Variants in DNAI2 observed in about 807,000 individuals in gnomAD.
The protein encoded by DNAI2 is dynein, axonemal, intermediate polypeptide 2.
DNAI2 carries 63 observed loss-of-function variants against 74.7 expected under a neutral mutation model. The ratio of observed to expected loss-of-function variants is 0.84; its 90% CI spans 0.69 to 1.04. DNAI2 has a LOEUF of 1.04. DNAI2 is among the 50% of genes least tolerant of loss of function. The probability of loss-of-function intolerance (pLI) is 0.00; values close to 1 mark genes in which losing one functional copy is unlikely to be tolerated. For missense variants in DNAI2, 688 were observed against 803.2 expected (o/e 0.86, Z 1.73); for synonymous variants, 289 against 314.9 (o/e 0.92, Z 0.87).
chr17:74,307,188 C>T, intron 9 of DNAI2: 1 of 454,500 alleles, frequency 2.2e-6, no homozygotes, highest in Non-Finnish European at 4.4e-6. Context: ...CTTTAGGAGC[C>T]TTCCCAATGT....
chr17:74,294,277 A>G (rs1598300476), intron 6 of DNAI2, among the ~76,000 whole-genome samples: 1 of 143,940 alleles, frequency 6.9e-6, no homozygotes, highest in Non-Finnish European at 1.5e-5. Flanking sequence ...CTAGTGTACC[A>G]TTTTAATTCC....
chr17:74,287,212 C>T lies in DNAI2; in HGVS notation c.467+114C>T, dbSNP rs2051804030. The T allele has an allele frequency of 6.0e-6, 9 of 1,495,518 alleles. No homozygotes were observed. In the South Asian group the frequency reaches 1.1e-4, roughly 18 times the overall value. The allele number at this position is 1,495,518 out of a possible 1,614,324, so 92.6% of individuals were successfully genotyped here. A position where few individuals can be genotyped will look rare whatever the true frequency, so the allele number is the denominator to read the frequency against. Reference sequence around the variant, plus strand: ...TGCCCTGGGTGCAGCACTGTCTGTGCTCTGAGCTTGATAAGTGACGTGGTG... The same window carrying T: ...TGCCCTGGGTGCAGCACTGTCTGTGTTCTGAGCTTGATAAGTGACGTGGTG... On this transcript the variant is annotated intron_variant, in intron 4 of 13. Transcript: ENST00000311014.
At chr17:74,284,352 G>A (rs1162026916) in intron 2 of DNAI2, among the ~76,000 whole-genome samples, 1 of 152,198 alleles carries the variant, frequency 6.6e-6, no homozygotes, top group Non-Finnish European at 1.5e-5. Flanking sequence ...CACTGACATT[G>A]TCAGTGATAG....
intron 11 of DNAI2, among the ~76,000 whole-genome samples, chr17:74,310,799 G>A (rs777256906): frequency 5.1e-4 from 77 of 152,042 alleles, no homozygotes; most frequent in Non-Finnish European, 5.6e-4. Context: ...CCTGGCCTCC[G>A]AAAGTGCTGG....
rs780506581 is a variant in DNAI2 at position 74,301,099 on chromosome 17, G to A, written c.918G>A (p.Leu306=). 3 of 1,613,968 alleles carry A rather than the reference G, an allele frequency of 1.9e-6. No homozygotes were observed. Among genetic ancestry groups the A allele is most frequent in the Non-Finnish European group, 2.5e-6 (3 of 1,179,994 alleles). Residue 306 remains leucine, a synonymous_variant, in exon 8 of 14, where the codon TTG becomes TTA. Transcript: ENST00000311014. The stretch of plus-strand genomic sequence containing the variant: ...GCGAGCCCACTGAAGTTGTGATCTT[G>A]GACATCACCAAGAAGGAACAGTTGG... ...KMSEPTEVVI[L]DITKKEQLEN...
intron 8 of DNAI2, among the ~76,000 whole-genome samples, chr17:74,304,179 C>CTTTTTTTTTTTTTTTTTTT: frequency 9.8e-6 from 1 of 101,942 alleles, no homozygotes; most frequent in Non-Finnish European, 2.1e-5. Flanking sequence ...TTTTCTTTTT[C>CTTTTTTTTTTTTTTTTTTT]TTTTTTCTTT....
At position 74,312,210 on chromosome 17, in the gene DNAI2, A is replaced by G. The variant is rs368633797; in HGVS notation, c.1702A>G (p.Ile568Val). Reference protein sequence around the residue: ...AELKKKEADAIKLTPVPQQPS... With the variant: ...AELKKKEADAVKLTPVPQQPS... ...GCTGAAGAAGAAGGAGGCAGACGCC[A>G]TAAAGCTGACGCCAGTGCCTGTAGG... The change falls in exon 12 of 14, where the codon ATA becomes GTA. Residue 568 changes from isoleucine (I) to valine (V), a missense_variant. Coordinates refer to ENST00000311014, the MANE Select transcript of DNAI2 (RefSeq NM_023036.6). 29 of 1,605,590 alleles carry G rather than the reference A, an allele frequency of 1.8e-5. No homozygotes were observed. The highest frequency in any genetic ancestry group is 2.4e-5 in the Non-Finnish European group (28 of 1,176,548).
At chr17:74,290,271 ATGCCAC>A (rs1567851277) in intron 5 of DNAI2, among the ~76,000 whole-genome samples, 1 of 152,132 alleles carries the variant, frequency 6.6e-6, no homozygotes, top group East Asian at 1.9e-4. Flanking sequence ...AGCCGAGATC[ATGCCAC>A]TGCACTCCAT....
chr17:74,288,511 G>C (rs1402469494), intron 4 of DNAI2, among the ~76,000 whole-genome samples: 1 of 152,216 alleles, frequency 6.6e-6, no homozygotes, highest in Non-Finnish European at 1.5e-5. Flanking sequence ...GAGAACATCT[G>C]TGATTTTGGA....
chr17:74,289,648 C>T lies in DNAI2; in HGVS notation c.522C>T (p.Gly174=), dbSNP rs557724360. Residue 174 remains glycine (G), a synonymous_variant, in exon 5 of 14, where the codon GGC becomes GGT. Transcript: ENST00000311014. ...CACACCTCTCCTGGCACCCCGATGG[C>T]AACAGGAAGTTGGCAGTGGCATACT... ...AATHLSWHPD[G]NRKLAVAYSC... is the part of the protein sequence containing the mutation. The T allele has an allele frequency of 7.4e-5, 119 of 1,614,126 alleles. No individual in the cohort carries two copies. In the South Asian group the frequency reaches 1.3e-3, roughly 18 times the overall value.
At chr17:74,310,202 T>C (rs757468573) in intron 11 of DNAI2, 39 bp downstream of exon 11, 3 of 1,606,888 alleles carry the variant, frequency 1.9e-6, no homozygotes, top group Non-Finnish European at 2.5e-6. Context: ...CTCCAGCACG[T>C]CCCGACCTGG....
In DNAI2 at chr17:74,312,246, G is replaced by A. The variant is rs768459051; in HGVS notation, c.1722+16G>A. 1.6e-6 allele frequency: 1 copy of A among 643,760 alleles called. No individual in the cohort carries two copies. Among genetic ancestry groups the A allele is most frequent in the Non-Finnish European group, 2.9e-6 (1 of 339,026 alleles). The allele number at this position is 643,760 out of a possible 1,614,324, so 39.9% of individuals were successfully genotyped here. On this transcript the variant is annotated intron_variant, in intron 12 of 13. Coordinates refer to ENST00000311014, the MANE Select transcript of DNAI2 (RefSeq NM_023036.6). The stretch of plus-strand genomic sequence containing the variant: ...GCCAGTGCCTGTAGGGGCCTGGACA[G>A]GGGTTGGGTGGGTTGGGGACTGGGC...
chr17:74,275,878 A>C (rs2143829991), intron 1 of DNAI2, among the ~76,000 whole-genome samples: 1 of 152,260 alleles, frequency 6.6e-6, no homozygotes, highest in African/African-American at 2.4e-5. Context: ...TGACAGAGCA[A>C]CACTGTCCCA....
intron 11 of DNAI2, among the ~76,000 whole-genome samples, chr17:74,311,480 T>G (rs12938436): frequency 0.96 from 146,273 of 152,276 alleles, 70,526 homozygotes; most frequent in East Asian, 1. Flanking sequence ...AGGCATGGCG[T>G]CACATGCCTG....
At chr17:74,283,398 C>T (rs914817551) in intron 2 of DNAI2, among the ~76,000 whole-genome samples, 3 of 152,008 alleles carry the variant, frequency 2.0e-5, no homozygotes, top group Admixed American at 1.3e-4. Flanking sequence ...CTTGAGGCCA[C>T]GAGTTTGAGA....
intron 12 of DNAI2, among the ~76,000 whole-genome samples, chr17:74,313,684 T>G (rs1412200414): frequency 6.6e-6 from 1 of 152,240 alleles, no homozygotes; most frequent in Non-Finnish European, 1.5e-5. Flanking sequence ...ACACACTTCC[T>G]GTCTCTCTCT....
chr17:74,296,970 GA>G, intron 6 of DNAI2, among the ~76,000 whole-genome samples: 1 of 152,280 alleles, frequency 6.6e-6, no homozygotes, highest in Non-Finnish European at 1.5e-5. Context: ...CCAGAGTTCT[GA>G]AAAAGTTGAT....
intron 10 of DNAI2, 171 bp downstream of exon 10, chr17:74,309,559 C>A: frequency 1.1e-6 from 1 of 910,500 alleles, no homozygotes; most frequent in Non-Finnish European, 1.7e-6. Flanking sequence ...TGAGCGTGTG[C>A]TCCTACAAAG....
rs547785439 is a variant in DNAI2, at chr17:74,310,499, A to G, written c.1494+336A>G. ...GGAAACTTTCCAATGAAGGCTTAGT[A>G]TTGTATTATATTATATTGTATTTTA... On this transcript the variant is annotated intron_variant, in intron 11 of 13. Transcript: ENST00000311014. Among the ~76,000 whole-genome samples the G allele has an allele frequency of 2.5e-4, 38 of 151,334 alleles. No individual in the cohort carries two copies. In the South Asian group the frequency reaches 6.9e-3, roughly 27 times the overall value.
Sources: allele counts gnomAD v4.1 joint callset (sites outside exome capture counted in the v4.1 genomes callset), GRCh38; gene constraint gnomAD v4.1.1; transcripts MANE v1.5; gene names NCBI Gene and HGNC (gene_info 2026-07-23, HGNC 2026-07-21).